Variants in PIK3CA observed in about 807,000 individuals in gnomAD.
PIK3CA encodes phosphatidylinositol-4,5-bisphosphate 3-kinase catalytic subunit alpha, also known as phosphatidylinositol 4,5-bisphosphate 3-kinase catalytic subunit alpha isoform.
Under a neutral mutation model 138.2 loss-of-function variants are expected in PIK3CA, and 27 were observed. That is an observed-to-expected ratio of 0.20 (90% confidence interval 0.14 to 0.27). The LOEUF is 0.27. PIK3CA is among the 10% of genes least tolerant of loss of function. The pLI is 1.00. For synonymous variants in PIK3CA, 358 were observed against 413.2 expected (o/e 0.87, Z 1.62); for missense variants, 544 against 1,277.4 (o/e 0.43, Z 8.75).
rs1229682969 is a variant in PIK3CA, at chr3:179,237,062, AT to A, written c.*2702del. ...AAAAAGTCTAAAAGTAATAAAAATA[AT>A]TTTAAACACACTGTAGTAAGAAATG... On this transcript the variant is annotated 3_prime_UTR_variant, in exon 21 of 21. Transcript: ENST00000263967. 5.1e-6 allele frequency: 1 copy of A among 194,926 alleles called. No individual in the cohort carries two copies. The highest frequency in any genetic ancestry group is 6.1e-5 in the Admixed American group (1 of 16,380). 12.1% of individuals were successfully genotyped at this position (194,926 alleles called of 1,614,324 possible). A position where few individuals can be genotyped will look rare whatever the true frequency, so the allele number is the denominator to read the frequency against.
Position 179,229,425 on chromosome 3 carries a change from C to T in PIK3CA, c.2649C>T (p.Asp883=), listed in dbSNP as rs199826066. 4.3e-6 allele frequency: 7 copies of T among 1,611,066 alleles called. No homozygotes were observed. The East Asian group carries it at 1.3e-4, about 31-fold the overall frequency. Residue 883 remains aspartate (D), a synonymous_variant, in exon 18 of 21, where the codon GAC becomes GAT. Coordinates refer to ENST00000263967, the MANE Select transcript of PIK3CA (RefSeq NM_006218.4). The part of the protein sequence containing the change: ...NSHTLHQWLK[D]KNKGEIYDAA... ...ACACACTACATCAGTGGCTCAAAGA[C>T]AAGAACAAAGGAGAAATGTGAGTTG...
At position 179,167,766 on chromosome 3, in the gene PIK3CA, A is replaced by G. The variant is rs148613036; in HGVS notation, c.-77+19163A>G. On this transcript the variant is annotated intron_variant, in intron 1 of 20. Transcript: ENST00000263967. ...AATGAATATTCTTTGCATTCAGATCATATGGTTTATCTTTTCATATATTCC... is the reference window on the plus strand; with the variant it reads ...AATGAATATTCTTTGCATTCAGATCGTATGGTTTATCTTTTCATATATTCC... Among the ~76,000 whole-genome samples the G allele has an allele frequency of 2.7e-3, 406 of 152,244 alleles. 1 individual carries two copies. The highest frequency in any genetic ancestry group is 9.4e-3 in the African/African-American group (392 of 41,564).
intron 1 of PIK3CA, among the ~76,000 whole-genome samples, chr3:179,181,186 T>C (rs1012418102): frequency 1.3e-5 from 2 of 152,166 alleles, no homozygotes; most frequent in Admixed American, 6.5e-5. Flanking sequence ...CTGTTAGTTT[T>C]GGAGTGTGTG....
In PIK3CA at chr3:179,230,652, G is replaced by C. The variant is rs1469530191; in HGVS notation, c.2936+276G>C. ...CACTGTAGTCCCAGCTACTCAGGAG[G>C]CTGAGATGGGAGGATCACTTGAGCC... On this transcript the variant is annotated intron_variant, in intron 20 of 20. Coordinates refer to ENST00000263967, the MANE Select transcript of PIK3CA (RefSeq NM_006218.4). The surrounding 1 kb of genome is among the most constrained non-coding windows in gnomAD (Gnocchi z 5.4). Among the ~76,000 whole-genome samples the C allele has an allele frequency of 6.6e-6, 1 of 152,084 alleles. No individual in the cohort carries two copies. The highest frequency in any genetic ancestry group is 2.4e-5 in the African/African-American group (1 of 41,426).
rs1001367472 is a variant in PIK3CA at position 179,220,626 on chromosome 3, CGT to C, written c.2016-355_2016-354del. The stretch of plus-strand genomic sequence containing the variant: ...TTAAGTTGAAAACAAGAAGCATAGG[CGT>C]GTGTCAGAAGAGTCAAACAGCATTC... On this transcript the variant is annotated intron_variant, in intron 13 of 20. Coordinates refer to ENST00000263967, the MANE Select transcript of PIK3CA (RefSeq NM_006218.4). The surrounding 1 kb of genome is among the most constrained non-coding windows in gnomAD (Gnocchi z 4.1). Among the ~76,000 whole-genome samples, 1 of 152,048 alleles carries C rather than the reference CGT, an allele frequency of 6.6e-6. No homozygotes were observed. Among genetic ancestry groups the C allele is most frequent in the African/African-American group, 2.4e-5 (1 of 41,392 alleles).
rs2108430771 is a variant in PIK3CA, at chr3:179,234,691, A to G, written c.*327A>G. The G allele has an allele frequency of 4.0e-6, 1 of 252,920 alleles. No homozygotes were observed. The highest frequency in any genetic ancestry group is 5.8e-5 in the East Asian group (1 of 17,192). The allele number at this position is 252,920 out of a possible 1,614,324, so 15.7% of individuals were successfully genotyped here. On this transcript the variant is annotated 3_prime_UTR_variant, in exon 21 of 21. Transcript: ENST00000263967. The surrounding 1 kb of genome is among the most constrained non-coding windows in gnomAD (Gnocchi z 5.1). The stretch of plus-strand genomic sequence containing the variant: ...CAAAACAAAAATCCCCAAAATATAT[A>G]GAAATGATGGAGAAGGAAAAAGTGA...
chr3:179,226,071 G>T, intron 17 of PIK3CA, 31 bp downstream of exon 17: 2 of 1,215,276 alleles, frequency 1.6e-6, no homozygotes, highest in Admixed American at 1.7e-5. Flanking sequence ...CCTGTATGTT[G>T]AAAGTTATCC....
Position 179,165,845 on chromosome 3 carries a change from C to T in PIK3CA, c.-77+17242C>T, listed in dbSNP as rs540702318. On this transcript the variant is annotated intron_variant, in intron 1 of 20. Transcript: ENST00000263967. ...TTCACAGCCTTTTTTGCTATGGCTT[C>T]TCCTACTCAGTAACATGTTGATCTT... Among the ~76,000 whole-genome samples the T allele has an allele frequency of 5.9e-5, 9 of 152,250 alleles. No homozygotes were observed. In the South Asian group the frequency reaches 1.5e-3, roughly 25 times the overall value.
At chr3:179,227,218 T>C (rs2108420638) in intron 17 of PIK3CA, among the ~76,000 whole-genome samples, 1 of 152,212 alleles carries the variant, frequency 6.6e-6, no homozygotes, top group South Asian at 2.1e-4. Context: ...TAACTTTAGA[T>C]TAAAATTATT....
intron 1 of PIK3CA, among the ~76,000 whole-genome samples, chr3:179,159,116 G>T (rs979481102): frequency 1.3e-5 from 2 of 152,016 alleles, no homozygotes; most frequent in Non-Finnish European, 2.9e-5. Flanking sequence ...AATTATCTGC[G>T]ATTTTTGTTG....
intron 1 of PIK3CA, among the ~76,000 whole-genome samples, chr3:179,189,539 G>A (rs2108377700): frequency 6.6e-6 from 1 of 151,840 alleles, no homozygotes; most frequent in South Asian, 2.1e-4. Context: ...ATAATCAGAA[G>A]TCCACATTGC....
intron 1 of PIK3CA, among the ~76,000 whole-genome samples, chr3:179,192,704 G>T (rs1295461010): frequency 1.3e-5 from 2 of 152,202 alleles, no homozygotes. Flanking sequence ...CAAAAGTATT[G>T]TTGACATTAT....
At chr3:179,168,611 T>C (rs1723475837) in intron 1 of PIK3CA, among the ~76,000 whole-genome samples, 1 of 152,196 alleles carries the variant, frequency 6.6e-6, no homozygotes, top group Admixed American at 6.5e-5. Flanking sequence ...ATTCAGTTGT[T>C]GAACCTCTTT....
At chr3:179,205,341 A>G (rs1336901898) in intron 6 of PIK3CA, among the ~76,000 whole-genome samples, 2 of 152,212 alleles carry the variant, frequency 1.3e-5, no homozygotes, top group African/African-American at 4.8e-5. Flanking sequence ...GATTCTGTCT[A>G]AAGTTTTATC....
rs1349632131 is a variant in PIK3CA at position 179,230,443 on chromosome 3, T to A, written c.2936+67T>A. The stretch of plus-strand genomic sequence containing the variant: ...CTGCTCTATTAGAAACAATCAATAT[T>A]TTTCAAGCAATTTCAAAATAATAAA... On this transcript the variant is annotated intron_variant, in intron 20 of 20. Coordinates refer to ENST00000263967, the MANE Select transcript of PIK3CA (RefSeq NM_006218.4). This position sits in a 1 kb window ranked among gnomAD's most constrained non-coding sequence, Gnocchi z 5.4. 9.0e-6 allele frequency: 12 copies of A among 1,334,872 alleles called. No individual in the cohort carries two copies. Among genetic ancestry groups the A allele is most frequent in the Non-Finnish European group, 1.2e-5 (12 of 968,520 alleles). 82.7% of individuals were successfully genotyped at this position (1,334,872 alleles called of 1,614,324 possible).
chr3:179,158,842 C>G (rs1292667430), intron 1 of PIK3CA, among the ~76,000 whole-genome samples: 1 of 152,058 alleles, frequency 6.6e-6, no homozygotes, highest in Admixed American at 6.5e-5. Context: ...TCTGTGGTAT[C>G]GGCTACCTGG....
intron 1 of PIK3CA, among the ~76,000 whole-genome samples, chr3:179,157,188 T>C (rs1723158990): frequency 6.6e-6 from 1 of 152,182 alleles, no homozygotes; most frequent in Non-Finnish European, 1.5e-5. Context: ...TGCATAGTAA[T>C]GTCATTTTAA....
At position 179,219,598 on chromosome 3, in the gene PIK3CA, C is replaced by T. The variant is rs1724920020; in HGVS notation, c.1774C>T (p.Pro592Ser). ...GTATTGCTTGGTAAAAGATTGGCCT[C>T]CAATCAAACCTGAACAGGCTATGGA... ...QMYCLVKDWP[P>S]IKPEQAMELL... Residue 592 changes from proline to serine, a missense_variant, in exon 12 of 21, where the codon CCA (proline) becomes TCA (serine). By Grantham distance (74) the Pro-to-Ser change is moderately conservative. Around this residue, in one of 14 missense-constraint regions of PIK3CA, gnomAD observed 11 missense variants for 48.4 expected, o/e 0.23. Transcript: ENST00000263967. The surrounding 1 kb of genome is among the most constrained non-coding windows in gnomAD (Gnocchi z 4.2). The T allele has an allele frequency of 1.3e-6, 2 of 1,547,772 alleles. No individual in the cohort carries two copies. Among genetic ancestry groups the T allele is most frequent in the African/African-American group, 1.4e-5 (1 of 73,380 alleles).
chr3:179,201,798 G>C (rs1724418326), intron 4 of PIK3CA, among the ~76,000 whole-genome samples: 1 of 151,786 alleles, frequency 6.6e-6, no homozygotes, highest in Non-Finnish European at 1.5e-5. Flanking sequence ...GTAGAGACAG[G>C]TTTTGCACCA....
Sources: allele counts gnomAD v4.1 joint callset (sites outside exome capture counted in the v4.1 genomes callset), GRCh38; gene constraint gnomAD v4.1.1; regional missense constraint gnomAD v4.1.1; non-coding constraint Gnocchi (gnomAD v3.1); transcripts MANE v1.5; gene names NCBI Gene and HGNC (gene_info 2026-07-23, HGNC 2026-07-21).